RLN2: variants seen among roughly 807,000 people sequenced by gnomAD.
RLN2 encodes the protein relaxin 2.
RLN2 carries 10 observed loss-of-function variants against 7.3 expected under a neutral mutation model. The observed-to-expected ratio is 1.36, with a 90% CI of 0.84 to 2.31. The LOEUF (loss-of-function observed/expected upper bound fraction) is 2.31, where lower values mean the gene tolerates loss of function less well. RLN2 is among the 30% of genes most tolerant of loss of function. The pLI is 0.00. For missense variants in RLN2, 298 were observed against 217.6 expected (o/e 1.37, Z -2.32); for synonymous variants, 103 against 82.3 (o/e 1.25, Z -1.36).
chr9:5,331,843 A>C, the RLN2 span, among the ~76,000 whole-genome samples: 1 of 152,056 alleles, frequency 6.6e-6, no homozygotes, highest in Non-Finnish European at 1.5e-5. Context: ...ATAAATAAAT[A>C]AACTGGTGCA....
rs765646040 is a variant in RLN2 at position 5,300,261 on chromosome 9, A to C, written c.395T>G (p.Leu132Arg). 1.2e-6 allele frequency: 2 copies of C among 1,614,074 alleles called. No individual in the cohort carries two copies. The highest frequency in any genetic ancestry group is 2.2e-5 in the South Asian group (2 of 91,064). ...GGCTTCACTTTGTCTATTGCGAATA[A>C]GTTTCTTAAATTCTTCAAAGAGAAG... ...SSLLFEEFKK[L>R]IRNRQSEAAD... Residue 132 changes from leucine to arginine, a missense_variant, in exon 2 of 2, where the codon CTT becomes CGT. Physicochemically the swap from Leu to Arg is moderately radical, Grantham distance 102. Transcript: ENST00000381627.
chr9:5,336,040 A>C, the RLN2 span, among the ~76,000 whole-genome samples: 1 of 152,038 alleles, frequency 6.6e-6, no homozygotes, highest in East Asian at 1.9e-4. Flanking sequence ...ACGCTTGAAA[A>C]AGATATTATT....
At chr9:5,322,134 C>T in the RLN2 span, among the ~76,000 whole-genome samples, 2 of 151,932 alleles carry the variant, frequency 1.3e-5, no homozygotes, top group African/African-American at 2.4e-5. Flanking sequence ...AGTGGATGGA[C>T]AGCAAAACGG....
At chr9:5,314,879 T>C in the RLN2 span, among the ~76,000 whole-genome samples, 9 of 151,228 alleles carry the variant, frequency 6.0e-5, no homozygotes, top group Non-Finnish European at 1.3e-4. Context: ...GTTGCAATGG[T>C]GCCCTATTGG....
At chr9:5,301,160 T>C (rs1264765228) in intron 1 of RLN2, among the ~76,000 whole-genome samples, 1 of 152,262 alleles carries the variant, frequency 6.6e-6, no homozygotes, top group Admixed American at 6.5e-5. Context: ...GTGTACTGAC[T>C]AATGTTTTCT....
the RLN2 span, among the ~76,000 whole-genome samples, chr9:5,321,483 T>C: frequency 3.3e-5 from 5 of 152,206 alleles, no homozygotes; most frequent in East Asian, 3.9e-4. Context: ...TCTGTCATTT[T>C]TACTAAATGT....
At chr9:5,309,163 T>C (rs997411250), upstream of RLN2, among the ~76,000 whole-genome samples, 5 of 152,066 alleles carry the variant, frequency 3.3e-5, no homozygotes, top group Non-Finnish European at 5.9e-5. Flanking sequence ...TACTACAACA[T>C]ATCTCCTCCT....
chr9:5,337,176 A>G, the RLN2 span, among the ~76,000 whole-genome samples: 54 of 152,064 alleles, frequency 3.6e-4, no homozygotes, highest in South Asian at 0.011. Flanking sequence ...TCCTCATAAA[A>G]ACGTCTCTGT....
chr9:5,318,007 C>CGTGTGTGTCTGTGTGT, the RLN2 span, among the ~76,000 whole-genome samples: 1 of 147,948 alleles, frequency 6.8e-6, no homozygotes, highest in Admixed American at 6.7e-5. Flanking sequence ...TGTGTGTGTG[C>CGTGTGTGTCTGTGTGT]GTGTGTGTGT....
At chr9:5,306,651 C>T (rs1816257272), upstream of RLN2, among the ~76,000 whole-genome samples, 1 of 151,974 alleles carries the variant, frequency 6.6e-6, no homozygotes, top group South Asian at 2.1e-4. Context: ...TAAGGAGAAA[C>T]AATAAATATG....
the RLN2 span, among the ~76,000 whole-genome samples, chr9:5,322,419 AAAC>A: frequency 4.6e-5 from 7 of 152,046 alleles, no homozygotes; most frequent in Non-Finnish European, 8.8e-5. Context: ...AACTACATAA[AAAC>A]AACGACAAGC....
At chr9:5,331,539 C>A in the RLN2 span, among the ~76,000 whole-genome samples, 1 of 151,728 alleles carries the variant, frequency 6.6e-6, no homozygotes, top group African/African-American at 2.4e-5. Flanking sequence ...AAGTTGGAAA[C>A]CATCATTCTA....
the RLN2 span, among the ~76,000 whole-genome samples, chr9:5,322,555 C>T: frequency 6.6e-6 from 1 of 151,934 alleles, no homozygotes; most frequent in Non-Finnish European, 1.5e-5. Flanking sequence ...CTTTGAATCT[C>T]CTTGGAGAAG....
Position 5,300,241 on chromosome 9 carries a change from C to G in RLN2, c.415G>C (p.Glu139Gln). 1.9e-6 allele frequency: 3 copies of G among 1,614,058 alleles called. No homozygotes were observed. The highest frequency in any genetic ancestry group is 2.5e-6 in the Non-Finnish European group (3 of 1,179,952). ...FKKLIRNRQS[E>Q]AADSSPSELK... Reference sequence around the variant, plus strand: ...TCTGAAGGACTGCTGTCTGCGGCTTCACTTTGTCTATTGCGAATAAGTTTC... The same window carrying G: ...TCTGAAGGACTGCTGTCTGCGGCTTGACTTTGTCTATTGCGAATAAGTTTC... The change falls in exon 2 of 2, where the codon GAA becomes CAA. Residue 139 changes from glutamate to glutamine, a missense_variant. Glu to Gln is a conservative substitution (Grantham distance 29). Coordinates refer to ENST00000381627, the MANE Select transcript of RLN2 (RefSeq NM_134441.3).
At chr9:5,305,398 CACACAGAGAG>C (rs777412981), upstream of RLN2, among the ~76,000 whole-genome samples, 16 of 138,372 alleles carry the variant, frequency 1.2e-4, no homozygotes, top group African/African-American at 3.7e-4. Flanking sequence ...CACACACACA[CACACAGAGAG>C]AGAGAGAGAG....
chr9:5,307,112 G>C (rs1488187020), upstream of RLN2, among the ~76,000 whole-genome samples: 2 of 151,994 alleles, frequency 1.3e-5, no homozygotes, highest in Non-Finnish European at 2.9e-5. Context: ...TGGGAGGGTG[G>C]GAATAGCCTG....
At chr9:5,308,524 TC>T (rs1460655594), upstream of RLN2, among the ~76,000 whole-genome samples, 1 of 151,938 alleles carries the variant, frequency 6.6e-6, no homozygotes, top group Non-Finnish European at 1.5e-5. Context: ...TCACGTGTGT[TC>T]TCCAGTCTCT....
upstream of RLN2, among the ~76,000 whole-genome samples, chr9:5,309,430 T>G (rs1816308177): frequency 6.6e-6 from 1 of 151,940 alleles, no homozygotes; most frequent in Admixed American, 6.6e-5. Context: ...CTTCCTGTCT[T>G]CTCTCCAGGA....
chr9:5,318,495 C>T, the RLN2 span, among the ~76,000 whole-genome samples: 1 of 151,852 alleles, frequency 6.6e-6, no homozygotes, highest in Non-Finnish European at 1.5e-5. Flanking sequence ...GTAAATAATT[C>T]TAACAGTAAT....
Sources: allele counts gnomAD v4.1 joint callset (sites outside exome capture counted in the v4.1 genomes callset), GRCh38; gene constraint gnomAD v4.1.1; transcripts MANE v1.5; gene names NCBI Gene and HGNC (gene_info 2026-07-23, HGNC 2026-07-21).